PDE8A: variants seen among roughly 807,000 people sequenced by gnomAD.
The protein encoded by PDE8A is high affinity cAMP-specific and IBMX-insensitive 3',5'-cyclic phosphodiesterase 8A.
PDE8A carries 59 observed loss-of-function variants against 105.0 expected under a neutral mutation model. The observed-to-expected ratio is 0.56, with a 90% CI of 0.46 to 0.70. The LOEUF (loss-of-function observed/expected upper bound fraction) is 0.70, where lower values mean the gene tolerates loss of function less well. Ranked by LOEUF, PDE8A falls within the 30% of genes least tolerant of loss-of-function variation. The pLI is 0.00. For missense variants in PDE8A, 1,014 were observed against 1,045.9 expected (o/e 0.97, Z 0.42); for synonymous variants, 355 against 371.9 (o/e 0.95, Z 0.52).
intron 1 of PDE8A, among the ~76,000 whole-genome samples, chr15:85,011,092 C>T (rs372468193): frequency 7.6e-4 from 116 of 152,142 alleles, no homozygotes; most frequent in Non-Finnish European, 1.4e-3. Context: ...TTCTTAGAAA[C>T]GACTTTGCAA....
intron 1 of PDE8A, among the ~76,000 whole-genome samples, chr15:85,037,159 G>T (rs1483454598): frequency 6.6e-6 from 1 of 150,820 alleles, no homozygotes; most frequent in Non-Finnish European, 1.5e-5. Context: ...TCTCCCTCCC[G>T]GGTTCAAGGG....
chr15:85,088,725 C>T (rs996991821), intron 6 of PDE8A, among the ~76,000 whole-genome samples: 1 of 152,006 alleles, frequency 6.6e-6, no homozygotes, highest in Non-Finnish European at 1.5e-5. Context: ...ATATAGTGTT[C>T]CACTTATTTT....
chr15:85,006,463 T>A (rs1042832621), intron 1 of PDE8A, among the ~76,000 whole-genome samples: 2 of 152,184 alleles, frequency 1.3e-5, no homozygotes, highest in African/African-American at 2.4e-5. Context: ...AATTAACATT[T>A]AGTCTACCTG....
At chr15:85,061,331 TCAAGCAATTCTCCTGCCTC>T (rs2081141826) in intron 1 of PDE8A, among the ~76,000 whole-genome samples, 1 of 152,134 alleles carries the variant, frequency 6.6e-6, no homozygotes, top group South Asian at 2.1e-4. Flanking sequence ...CCTCCCAGGT[TCAAGCAATTCTCCTGCCTC>T]AGCCTCCTGA....
intron 1 of PDE8A, among the ~76,000 whole-genome samples, chr15:85,024,229 C>T (rs2080475316): frequency 8.6e-6 from 1 of 116,600 alleles, no homozygotes; most frequent in South Asian, 2.7e-4. Context: ...CATACCATAT[C>T]ATCGTCTGCT....
At chr15:84,983,845 G>A (rs965934691) in intron 1 of PDE8A, among the ~76,000 whole-genome samples, 1 of 152,192 alleles carries the variant, frequency 6.6e-6, no homozygotes, top group Admixed American at 6.5e-5. Context: ...GTGGTGGATT[G>A]GGTGTCCTAA....
At chr15:84,984,243 A>G (rs1402694898) in intron 1 of PDE8A, among the ~76,000 whole-genome samples, 2 of 152,234 alleles carry the variant, frequency 1.3e-5, no homozygotes, top group African/African-American at 4.8e-5. Context: ...CTTGTTATTC[A>G]TGAACTGTAC....
intron 1 of PDE8A, among the ~76,000 whole-genome samples, chr15:84,983,333 A>G (rs1195537501): frequency 1.3e-5 from 2 of 152,240 alleles, no homozygotes; most frequent in African/African-American, 2.4e-5. Context: ...CATCACGACC[A>G]GTTTTTGAAA....
intron 7 of PDE8A, among the ~76,000 whole-genome samples, 174 bp downstream of exon 7, chr15:85,089,590 A>G (rs563357764): frequency 8.5e-5 from 13 of 152,234 alleles, no homozygotes; most frequent in African/African-American, 1.7e-4. Flanking sequence ...TAAGCTCTCT[A>G]TAGATTAGAA....
Position 85,033,718 on chromosome 15 carries a change from A to C in PDE8A, c.187-30652A>C, listed in dbSNP as rs184815409. 1.6e-4 allele frequency among the ~76,000 whole-genome samples: 24 copies of C among 152,208 alleles called. No individual in the cohort carries two copies. The East Asian group carries it at 4.6e-3, about 29-fold the overall frequency. On this transcript the variant is annotated intron_variant, in intron 1 of 21. Coordinates refer to ENST00000394553, the MANE Select transcript of PDE8A (RefSeq NM_002605.3). ...CGTCTCTACTAAAAATACAAAAATT[A>C]GCTGGGCGTGGTGGCGGGCGCCTGT... is the stretch of plus-strand genomic sequence containing the variant.
rs1008313643 is a variant in PDE8A, at chr15:85,036,976, G to A, written c.187-27394G>A. ...GTCCCCACCCCCAGCTTCTTCCCCA[G>A]TGGCAGGCTGCCCCTGCAACTGGTC... On this transcript the variant is annotated intron_variant, in intron 1 of 21. Transcript: ENST00000394553. 3.9e-5 allele frequency among the ~76,000 whole-genome samples: 6 copies of A among 152,078 alleles called. No individual in the cohort carries two copies. In the East Asian group the frequency reaches 1.2e-3, roughly 29 times the overall value.
At chr15:85,012,847 A>G (rs942172113) in intron 1 of PDE8A, among the ~76,000 whole-genome samples, 5 of 152,210 alleles carry the variant, frequency 3.3e-5, no homozygotes, top group Non-Finnish European at 5.9e-5. Flanking sequence ...ACCCAGTTAT[A>G]CAATTTACCC....
intron 1 of PDE8A, among the ~76,000 whole-genome samples, chr15:85,042,558 T>C (rs538242282): frequency 9.2e-5 from 14 of 152,328 alleles, no homozygotes; most frequent in Non-Finnish European, 1.6e-4. Flanking sequence ...ATTTACTCTT[T>C]GTTGCAGATT....
intron 9 of PDE8A, among the ~76,000 whole-genome samples, chr15:85,099,395 C>G (rs1020511995): frequency 2.5e-4 from 38 of 152,360 alleles, no homozygotes; most frequent in African/African-American, 9.1e-4. Flanking sequence ...GGAGATGGAT[C>G]TGTGTGGGTT....
chr15:85,049,069 T>G (rs1317143872), intron 1 of PDE8A, among the ~76,000 whole-genome samples: 1 of 152,026 alleles, frequency 6.6e-6, no homozygotes, highest in East Asian at 1.9e-4. Context: ...GCCACTGCAC[T>G]CTAGCCTGGG....
In PDE8A at chr15:85,065,281, A is replaced by G. The variant is rs903940297; in HGVS notation, c.243+855A>G. 4.9e-5 allele frequency among the ~76,000 whole-genome samples: 7 copies of G among 142,346 alleles called. No individual in the cohort carries two copies. The South Asian group carries it at 8.8e-4, about 18-fold the overall frequency. The allele number at this position is 142,346 out of a possible 152,430, so 93.4% of individuals were successfully genotyped here. ...ACAGAAAACAACCAATTGATGAACA[A>G]TGAGATCACATGGACACAGGAAGGG... is the stretch of plus-strand genomic sequence containing the variant. On this transcript the variant is annotated intron_variant, in intron 2 of 21. Coordinates refer to ENST00000394553, the MANE Select transcript of PDE8A (RefSeq NM_002605.3).
Position 85,109,062 on chromosome 15 carries a change from C to T in PDE8A, c.1046C>T (p.Thr349Ile). ...TCATTTGTTTCTACAGATAATCAGACAGGCAAACATAAAGACAGGAGAAAA... is the reference window on the plus strand; with the variant it reads ...TCATTTGTTTCTACAGATAATCAGATAGGCAAACATAAAGACAGGAGAAAA... ...VQSDTHTDNQ[T>I]GKHKDRRKGS... The change falls in exon 12 of 22, where the codon ACA becomes ATA. Residue 349 changes from threonine (T) to isoleucine (I), a missense_variant. Coordinates refer to ENST00000394553, the MANE Select transcript of PDE8A (RefSeq NM_002605.3). The T allele has an allele frequency of 6.2e-7, 1 of 1,604,916 alleles. No individual in the cohort carries two copies. Among genetic ancestry groups the T allele is most frequent in the Non-Finnish European group, 8.5e-7 (1 of 1,172,156 alleles).
chr15:85,106,779 T>C lies in PDE8A; in HGVS notation c.1037-2274T>C, dbSNP rs186954933. ...AAGGCAGGCTGCTGCAGGCCATCCT[T>C]ACCTGCCCTTGAATGCCAGGAAGTT... On this transcript the variant is annotated intron_variant, in intron 11 of 21. Transcript: ENST00000394553. Among the ~76,000 whole-genome samples, 190 of 152,334 alleles carry C rather than the reference T, an allele frequency of 1.2e-3. 1 individual carries two copies. Among genetic ancestry groups the C allele is most frequent in the Admixed American group, 4.2e-3 (65 of 15,306 alleles).
At chr15:85,042,507 A>G (rs1237455860) in intron 1 of PDE8A, among the ~76,000 whole-genome samples, 1 of 152,202 alleles carries the variant, frequency 6.6e-6, no homozygotes, top group Admixed American at 6.5e-5. Flanking sequence ...AGCATTCAGA[A>G]GGTCCGATGG....
Sources: allele counts gnomAD v4.1 joint callset (sites outside exome capture counted in the v4.1 genomes callset), GRCh38; gene constraint gnomAD v4.1.1; transcripts MANE v1.5; gene names NCBI Gene and HGNC (gene_info 2026-07-23, HGNC 2026-07-21).